DOCK1: variants seen among roughly 807,000 people sequenced by gnomAD.
DOCK1 encodes dedicator of cytokinesis protein 1.
DOCK1 carries 138 observed loss-of-function variants against 262.7 expected under a neutral mutation model. The observed-to-expected ratio is 0.53, with a 90% confidence interval of 0.46 to 0.61. The LOEUF (loss-of-function observed/expected upper bound fraction) is 0.61, where lower values mean the gene tolerates loss of function less well. DOCK1 is among the 20% of genes least tolerant of loss of function. The pLI is 0.00. For missense variants in DOCK1, 1,908 were observed against 2,370.7 expected (o/e 0.80, Z 4.05); for synonymous variants, 866 against 867.4 (o/e 1.00, Z 0.03).
At chr10:127,208,514 C>T (rs1363376895) in intron 27 of DOCK1, among the ~76,000 whole-genome samples, 3 of 152,122 alleles carry the variant, frequency 2.0e-5, no homozygotes, top group Non-Finnish European at 4.4e-5. Context: ...TAATTGTTCT[C>T]TGTAACCATA....
chr10:127,175,680 T>C lies in DOCK1; in HGVS notation c.2847+47916T>C. On this transcript the variant is annotated intron_variant, in intron 27 of 51. Transcript: ENST00000623213. This position sits in a 1 kb window ranked among gnomAD's most constrained non-coding sequence, Gnocchi z 6.3. ...CCTCCTGAGGGCAGGTGGAGCGGGC[T>C]CCTCGGAGTTTGGCCTCCCCCGGTC... is the stretch of plus-strand genomic sequence containing the variant. The C allele has an allele frequency of 6.2e-6, 10 of 1,613,746 alleles. No homozygotes were observed. The highest frequency in any genetic ancestry group is 8.5e-6 in the Non-Finnish European group (10 of 1,179,978).
intron 46 of DOCK1, among the ~76,000 whole-genome samples, chr10:127,423,156 A>G (rs1378848969): frequency 6.6e-6 from 1 of 152,244 alleles, no homozygotes; most frequent in Non-Finnish European, 1.5e-5. Context: ...CAACTGAGTC[A>G]TATGTTCATT....
chr10:127,003,126 A>T (rs984835842), intron 10 of DOCK1, among the ~76,000 whole-genome samples: 4 of 151,468 alleles, frequency 2.6e-5, no homozygotes, highest in African/African-American at 9.7e-5. Context: ...ACCTTTATGA[A>T]CCTCTGAACC....
intron 47 of DOCK1, among the ~76,000 whole-genome samples, chr10:127,426,409 C>T (rs1565083105): frequency 6.6e-6 from 1 of 152,168 alleles, no homozygotes; most frequent in Non-Finnish European, 1.5e-5. Context: ...ACAGCACTCA[C>T]GACGGCCCAT....
intron 37 of DOCK1, 88 bp from the exon 38 acceptor site, chr10:127,384,702 A>G: frequency 2.8e-6 from 4 of 1,406,274 alleles, no homozygotes; most frequent in Non-Finnish European, 3.7e-6. Context: ...ACCGCGGCCC[A>G]CACGCGTGTC....
intron 1 of DOCK1, among the ~76,000 whole-genome samples, chr10:126,927,546 C>G (rs1253594940): frequency 6.6e-6 from 1 of 152,104 alleles, no homozygotes; most frequent in East Asian, 1.9e-4. Context: ...AAGCGATTCT[C>G]CTGCCTCAGC....
chr10:127,123,728 C>T (rs1023145237), intron 25 of DOCK1, among the ~76,000 whole-genome samples: 8 of 152,200 alleles, frequency 5.3e-5, no homozygotes, highest in Admixed American at 2.0e-4. Flanking sequence ...GCTTTGTTCT[C>T]GGGTGGCTCT....
chr10:127,409,261 C>G lies in DOCK1; in HGVS notation c.4265-52C>G. The G allele has an allele frequency of 1.7e-5, 27 of 1,612,588 alleles. No homozygotes were observed. The South Asian group carries it at 3.0e-4, about 18-fold the overall frequency. The stretch of plus-strand genomic sequence containing the variant: ...TGGTTGGGTGTGGTGGGGGGCCTCT[C>G]TCATGGTTGATGTCTATGCTGCCTT... On this transcript the variant is annotated intron_variant, in intron 41 of 51. Coordinates refer to ENST00000623213, the MANE Select transcript of DOCK1 (RefSeq NM_001290223.2).
chr10:127,320,397 G>A (rs1041817342), intron 29 of DOCK1, among the ~76,000 whole-genome samples: 9 of 152,314 alleles, frequency 5.9e-5, no homozygotes, highest in African/African-American at 1.4e-4. Context: ...AAGTCCTTGC[G>A]TAAGTAGAAT....
At chr10:127,352,994 A>G (rs577190646) in intron 31 of DOCK1, among the ~76,000 whole-genome samples, 2 of 152,276 alleles carry the variant, frequency 1.3e-5, no homozygotes, top group East Asian at 3.9e-4. Context: ...AGTACATGCT[A>G]GGCCGATCCC....
chr10:127,112,392 G>A (rs561262821), intron 25 of DOCK1, among the ~76,000 whole-genome samples: 3 of 152,156 alleles, frequency 2.0e-5, no homozygotes, highest in African/African-American at 2.4e-5. Flanking sequence ...GTTTATATTC[G>A]ATGATTTTGT....
chr10:127,261,222 T>G (rs139891438), intron 29 of DOCK1, among the ~76,000 whole-genome samples: 1 of 57,514 alleles, frequency 1.7e-5, no homozygotes, highest in Non-Finnish European at 3.8e-5. Flanking sequence ...TGTGTGTGCA[T>G]GTGGGTGTGC....
intron 44 of DOCK1, among the ~76,000 whole-genome samples, chr10:127,416,977 C>T (rs942808951): frequency 6.6e-6 from 1 of 152,170 alleles, no homozygotes; most frequent in Non-Finnish European, 1.5e-5. Context: ...AGGACAGTGA[C>T]ATCAGTGGGC....
chr10:127,176,238 C>T lies in DOCK1; in HGVS notation c.2847+48474C>T. 2 of 1,614,152 alleles carry T rather than the reference C, an allele frequency of 1.2e-6. No homozygotes were observed. The highest frequency in any genetic ancestry group is 1.7e-6 in the Non-Finnish European group (2 of 1,180,040). The stretch of plus-strand genomic sequence containing the variant: ...GTCCCTCTGCTCATTCTGTGCCTCG[C>T]AGATATCCTTAAACCGCACCTGCAG... On this transcript the variant is annotated intron_variant, in intron 27 of 51. Coordinates refer to ENST00000623213, the MANE Select transcript of DOCK1 (RefSeq NM_001290223.2). This position sits in a 1 kb window ranked among gnomAD's most constrained non-coding sequence, Gnocchi z 4.4.
chr10:127,149,421 AT>A (rs1249928720), intron 27 of DOCK1, among the ~76,000 whole-genome samples: 1 of 152,162 alleles, frequency 6.6e-6, no homozygotes, highest in East Asian at 1.9e-4. Context: ...CTAGTCCTCT[AT>A]ATTTCCATGA....
At position 127,401,253 on chromosome 10, in the gene DOCK1, C is replaced by T. The variant is rs573812431; in HGVS notation, c.3928-1802C>T. 1.0e-3 allele frequency among the ~76,000 whole-genome samples: 154 copies of T among 152,270 alleles called. 1 individual carries two copies. Among genetic ancestry groups the T allele is most frequent in the African/African-American group, 3.5e-3 (145 of 41,552 alleles). On this transcript the variant is annotated intron_variant, in intron 38 of 51. Coordinates refer to ENST00000623213, the MANE Select transcript of DOCK1 (RefSeq NM_001290223.2). Reference sequence around the variant, plus strand: ...ATTTGAGTAATGACACCGTCTCCCACGTGGCGGTGTTACTGGCCGCAAATC... The same window carrying T: ...ATTTGAGTAATGACACCGTCTCCCATGTGGCGGTGTTACTGGCCGCAAATC...
At chr10:127,090,022 C>T (rs937224476) in intron 23 of DOCK1, among the ~76,000 whole-genome samples, 4 of 152,112 alleles carry the variant, frequency 2.6e-5, no homozygotes, top group Admixed American at 6.5e-5. Context: ...TGAAAAGCAA[C>T]TGTAGAGAAG....
intron 17 of DOCK1, among the ~76,000 whole-genome samples, 185 bp downstream of exon 17, chr10:127,031,938 A>G (rs914454800): frequency 6.6e-6 from 1 of 152,204 alleles, no homozygotes; most frequent in African/African-American, 2.4e-5. Context: ...GATGATATAC[A>G]ATATAACAAT....
intron 27 of DOCK1, among the ~76,000 whole-genome samples, chr10:127,220,611 G>A (rs1936660): frequency 1 from 151,882 of 152,100 alleles, 75,832 homozygotes; most frequent in Non-Finnish European, 1. Flanking sequence ...GGAGCTTTGT[G>A]GGGTAGAGCC....
Sources: gnomAD v4.1 joint callset for allele counts (sites outside exome capture counted in the v4.1 genomes callset) on GRCh38, gnomAD v4.1.1 for gene constraint, Gnocchi (gnomAD v3.1) non-coding constraint, MANE v1.5 for transcripts, NCBI Gene and HGNC (gene_info 2026-07-23, HGNC 2026-07-21) for gene names.